PATZ1: variants seen among roughly 807,000 people sequenced by gnomAD.
PATZ1 encodes POZ-, AT hook-, and zinc finger-containing protein 1.
A neutral mutation model predicts 46.2 loss-of-function variants in PATZ1; 9 were observed. The observed-to-expected ratio is 0.19, with a 90% CI of 0.12 to 0.34. The LOEUF (loss-of-function observed/expected upper bound fraction) is 0.34, where lower values mean the gene tolerates loss of function less well. PATZ1 is among the 10% of genes least tolerant of loss of function. The pLI is 1.00. For missense variants in PATZ1, 632 were observed against 923.0 expected (o/e 0.68, Z 4.08); for synonymous variants, 426 against 378.6 (o/e 1.13, Z -1.45).
At chr22:31,342,828 G>C in intron 2 of PATZ1, 69 bp downstream of exon 2, 1 of 1,560,018 alleles carries the variant, frequency 6.4e-7, no homozygotes, top group Non-Finnish European at 8.8e-7. Context: ...GCAGCGGCTG[G>C]CTCAAGGCTG....
rs553337055 is a variant in PATZ1 at position 31,343,181 on chromosome 22, C to T, written c.1272-221G>A. On this transcript the variant is annotated intron_variant, in intron 1 of 4. Transcript: ENST00000266269. ...CTCTGGAGGGGGGAAGAGAAATGGG[C>T]ATTTGTCTCTGATTTTGCCTCCCCA... 434 of 1,294,544 alleles carry T rather than the reference C, an allele frequency of 3.4e-4. 6 individuals are homozygous for T. The African/African-American group carries it at 4.0e-3, about 12-fold the overall frequency. The allele number at this position is 1,294,544 out of a possible 1,614,324, so 80.2% of individuals were successfully genotyped here. A position where few individuals can be genotyped will look rare whatever the true frequency, so the allele number is the denominator to read the frequency against.
intron 2 of PATZ1, among the ~76,000 whole-genome samples, chr22:31,339,858 T>C (rs1229040931): frequency 1.3e-5 from 2 of 152,148 alleles, no homozygotes; most frequent in Admixed American, 1.3e-4. Context: ...CCAAGGGCAC[T>C]AGTGCACACC....
In PATZ1 at chr22:31,335,580, G is replaced by C. The variant is rs558261924; in HGVS notation, c.1507+112C>G. 1.3e-5 allele frequency: 12 copies of C among 943,832 alleles called. No individual in the cohort carries two copies. In the East Asian group the frequency reaches 2.5e-4, roughly 20 times the overall value. 58.5% of individuals were successfully genotyped at this position (943,832 alleles called of 1,614,324 possible). A position where few individuals can be genotyped will look rare whatever the true frequency, so the allele number is the denominator to read the frequency against. On this transcript the variant is annotated intron_variant, in intron 3 of 4. Transcript: ENST00000266269. Reference sequence around the variant, plus strand: ...GTGTTTATCATTCAGTGGGAAGTAGGGGGTGGCTGTGCAAAGAGTGGAGTC... The same window carrying C: ...GTGTTTATCATTCAGTGGGAAGTAGCGGGTGGCTGTGCAAAGAGTGGAGTC...
intron 1 of PATZ1, chr22:31,343,202 C>T: frequency 1.3e-5 from 17 of 1,267,170 alleles, no homozygotes; most frequent in Non-Finnish European, 1.7e-5. Context: ...GATTTTGCCT[C>T]CCCACTCCCT....
intron 2 of PATZ1, chr22:31,341,212 G>A (rs554404963): frequency 1.5e-6 from 2 of 1,325,930 alleles, no homozygotes; most frequent in African/African-American, 2.9e-5. Context: ...GGATGCTATA[G>A]GGGGTTCCAG....
In PATZ1 at chr22:31,329,005, G is replaced by A. The variant is rs1313048084; in HGVS notation, c.1508-81C>T. 2.8e-5 allele frequency: 40 copies of A among 1,426,802 alleles called. 1 individual carries two copies. The highest frequency in any genetic ancestry group is 3.1e-5 in the Non-Finnish European group (33 of 1,060,238). 88.4% of individuals were successfully genotyped at this position (1,426,802 alleles called of 1,614,324 possible). ...TTCCCCCAACTCCTCTCCTCTGGCC[G>A]CTCTGGCTAGCATTCCCAGGTCAGC... is the stretch of plus-strand genomic sequence containing the variant. On this transcript the variant is annotated intron_variant, in intron 3 of 4. Coordinates refer to ENST00000266269, the MANE Select transcript of PATZ1 (RefSeq NM_014323.3).
intron 2 of PATZ1, chr22:31,341,822 G>C: frequency 2.7e-6 from 2 of 730,472 alleles, no homozygotes; most frequent in South Asian, 3.8e-5. Flanking sequence ...GAGAGAATCA[G>C]AGACAGAGAG....
Position 31,328,571 on chromosome 22 carries a change from A to G in PATZ1, c.1645+216T>C, listed in dbSNP as rs1298071123. 6.6e-6 allele frequency among the ~76,000 whole-genome samples: 1 copy of G among 152,122 alleles called. No homozygotes were observed. Among genetic ancestry groups the G allele is most frequent in the Non-Finnish European group, 1.5e-5 (1 of 68,022 alleles). ...AGGAGGGCTGGGGAAGAGGAGGCGGAGGCTGGATCTCGGCAGTGCCCTAAA... is the reference window on the plus strand; with the variant it reads ...AGGAGGGCTGGGGAAGAGGAGGCGGGGGCTGGATCTCGGCAGTGCCCTAAA... On this transcript the variant is annotated intron_variant, in intron 4 of 4. Coordinates refer to ENST00000266269, the MANE Select transcript of PATZ1 (RefSeq NM_014323.3). This position sits in a 1 kb window ranked among gnomAD's most constrained non-coding sequence, Gnocchi z 4.8.
At chr22:31,342,446 C>A (rs1381837790) in intron 2 of PATZ1, among the ~76,000 whole-genome samples, 3 of 152,182 alleles carry the variant, frequency 2.0e-5, no homozygotes, top group Middle Eastern at 3.4e-3. Flanking sequence ...CCAGGAGGAG[C>A]TCTAACTGAG....
intron 2 of PATZ1, chr22:31,341,256 CT>C (rs2049576675): frequency 2.3e-5 from 32 of 1,402,940 alleles, no homozygotes; most frequent in Non-Finnish European, 3.0e-5. Flanking sequence ...TTTGGGGGCT[CT>C]GACATGGGAA....
chr22:31,336,262 A>T (rs1569025855), intron 2 of PATZ1, among the ~76,000 whole-genome samples: 1 of 152,230 alleles, frequency 6.6e-6, no homozygotes, highest in Non-Finnish European at 1.5e-5. Flanking sequence ...AGTTATTGGC[A>T]TATAAACCAG....
intron 2 of PATZ1, among the ~76,000 whole-genome samples, chr22:31,336,526 C>T (rs9606831): frequency 0.21 from 31,973 of 151,948 alleles, 4,327 homozygotes; most frequent in Non-Finnish European, 0.29. Flanking sequence ...GTCTGTGGGC[C>T]GGGTGCGGTG....
intron 1 of PATZ1, among the ~76,000 whole-genome samples, chr22:31,344,004 A>AG (rs35088182): frequency 6.6e-6 from 1 of 152,092 alleles, no homozygotes; most frequent in Non-Finnish European, 1.5e-5. Flanking sequence ...CCGCCCCCAG[A>AG]GGGGGCCCCA....
At chr22:31,335,891 T>C (rs1438463365) in intron 2 of PATZ1, 28 bp from the exon 3 acceptor site, 2 of 1,604,146 alleles carry the variant, frequency 1.2e-6, no homozygotes, top group East Asian at 4.5e-5. Flanking sequence ...AATGGGATGA[T>C]GTGAAACCCA....
chr22:31,340,243 C>T (rs1231456050), intron 2 of PATZ1, among the ~76,000 whole-genome samples: 1 of 152,202 alleles, frequency 6.6e-6, no homozygotes, highest in African/African-American at 2.4e-5. Context: ...GCTTCCTGCC[C>T]CTACATTCAG....
At chr22:31,332,754 C>T (rs983974850) in intron 3 of PATZ1, among the ~76,000 whole-genome samples, 6 of 152,260 alleles carry the variant, frequency 3.9e-5, no homozygotes, top group Admixed American at 3.9e-4. Flanking sequence ...TTACCTCTGA[C>T]TGGGGAGAAG....
In PATZ1 at chr22:31,332,068, G is replaced by A. The variant is rs764623671; in HGVS notation, c.1508-3144C>T. Among the ~76,000 whole-genome samples, 21 of 152,222 alleles carry A rather than the reference G, an allele frequency of 1.4e-4. No individual in the cohort carries two copies. In the East Asian group the frequency reaches 1.5e-3, roughly 11 times the overall value. On this transcript the variant is annotated intron_variant, in intron 3 of 4. Coordinates refer to ENST00000266269, the MANE Select transcript of PATZ1 (RefSeq NM_014323.3). ...GGAGGTTGTGATGAGCTGAGATCGC[G>A]CCATTGCACTCCAGTCTGGGCAACA...
At chr22:31,343,766 G>A (rs1362054535) in intron 1 of PATZ1, among the ~76,000 whole-genome samples, 2 of 152,238 alleles carry the variant, frequency 1.3e-5, no homozygotes, top group African/African-American at 2.4e-5. Flanking sequence ...CCAGGTCAGA[G>A]CAGATCAAAG....
chr22:31,331,865 C>T (rs1461193245), intron 3 of PATZ1, among the ~76,000 whole-genome samples: 1 of 152,088 alleles, frequency 6.6e-6, no homozygotes, highest in East Asian at 1.9e-4. Flanking sequence ...GGCTCATGCA[C>T]TTTGGGAGGC....
Sources: gnomAD v4.1 joint callset for allele counts (sites outside exome capture counted in the v4.1 genomes callset) on GRCh38, gnomAD v4.1.1 for gene constraint, Gnocchi (gnomAD v3.1) non-coding constraint, MANE v1.5 for transcripts, NCBI Gene and HGNC (gene_info 2026-07-23, HGNC 2026-07-21) for gene names.